Variants in SLCO1B3 observed in about 807,000 individuals in gnomAD.
The protein encoded by SLCO1B3 is solute carrier organic anion transporter family member 1B3, also known as liver-specific organic anion transporter 2.
SLCO1B3 carries 72 observed loss-of-function variants against 71.8 expected under a neutral mutation model. The observed-to-expected ratio is 1.00, with a 90% CI of 0.83 to 1.22. SLCO1B3 has a LOEUF of 1.22. Ranked by LOEUF, SLCO1B3 falls within the 50% of genes most tolerant of loss-of-function variation. SLCO1B3 has a pLI of 0.00. For synonymous variants in SLCO1B3, 298 were observed against 278.4 expected (o/e 1.07, Z -0.70); for missense variants, 911 against 819.7 (o/e 1.11, Z -1.36).
chr12:20,892,123 A>G (rs959775554), intron 13 of SLCO1B3, among the ~76,000 whole-genome samples: 5 of 152,066 alleles, frequency 3.3e-5, no homozygotes, highest in Non-Finnish European at 2.9e-5. Context: ...ACCTTTAACA[A>G]TCTATCTTCT....
At chr12:20,831,797 A>T (rs1427626212) in intron 3 of SLCO1B3, among the ~76,000 whole-genome samples, 1 of 152,208 alleles carries the variant, frequency 6.6e-6, no homozygotes, top group African/African-American at 2.4e-5. Flanking sequence ...AAATAGATCT[A>T]ATTCAGCAAC....
At chr12:20,836,095 G>A (rs1284484301) in intron 3 of SLCO1B3, among the ~76,000 whole-genome samples, 1 of 152,160 alleles carries the variant, frequency 6.6e-6, no homozygotes, top group Non-Finnish European at 1.5e-5. Context: ...ATCAGATCTT[G>A]TGAGACTTAT....
chr12:20,906,903 A>T (rs1591792511), intron 15 of SLCO1B3, among the ~76,000 whole-genome samples: 1 of 152,312 alleles, frequency 6.6e-6, no homozygotes, highest in Non-Finnish European at 1.5e-5. Context: ...ACTTCTAGGA[A>T]TTTATCCTAA....
chr12:20,841,927 C>T (rs1864812757), intron 3 of SLCO1B3, among the ~76,000 whole-genome samples: 1 of 150,206 alleles, frequency 6.7e-6, no homozygotes, highest in African/African-American at 2.4e-5. Context: ...CTCTTTCACC[C>T]AGGCTAGAGT....
intron 8 of SLCO1B3, among the ~76,000 whole-genome samples, chr12:20,866,905 A>G (rs1009467119): frequency 3.5e-4 from 54 of 152,148 alleles, no homozygotes; most frequent in Admixed American, 2.9e-3. Flanking sequence ...GGGAAATAGT[A>G]AAAAACAGTT....
In SLCO1B3 at chr12:20,835,374, C is replaced by CA. The variant is rs1177185872; in HGVS notation, c.84+19553dup. 5.9e-5 allele frequency among the ~76,000 whole-genome samples: 9 copies of CA among 152,294 alleles called. 1 individual carries two copies. The South Asian group carries it at 1.9e-3, about 32-fold the overall frequency. On this transcript the variant is annotated intron_variant, in intron 3 of 15. Coordinates refer to ENST00000381545, the MANE Select transcript of SLCO1B3 (RefSeq NM_019844.4). ...TCTGCTGCCTGCTTGAATATCCCCC[C>CA]AGAAAATGGGTTTTTCTTTCCTACT...
intron 3 of SLCO1B3, among the ~76,000 whole-genome samples, chr12:20,826,254 C>T (rs1864418729): frequency 6.6e-6 from 1 of 151,288 alleles, no homozygotes; most frequent in Non-Finnish European, 1.5e-5. Flanking sequence ...TGTCAGGCCA[C>T]AATAGCAGAA....
At position 20,815,717 on chromosome 12, in the gene SLCO1B3, A is replaced by G; in HGVS notation, c.-22A>G. 1 of 805,726 alleles carries G rather than the reference A, an allele frequency of 1.2e-6. No homozygotes were observed. The highest frequency in any genetic ancestry group is 1.6e-5 in the South Asian group (1 of 61,448). 49.9% of individuals were successfully genotyped at this position (805,726 alleles called of 1,614,324 possible). On this transcript the variant is annotated 5_prime_UTR_variant, in exon 3 of 16. Coordinates refer to ENST00000381545, the MANE Select transcript of SLCO1B3 (RefSeq NM_019844.4). ...GCATCAGCAACAATTAAAAATATTCACTTGGTATCTGTAGTTTAATAATGG... is the reference window on the plus strand; with the variant it reads ...GCATCAGCAACAATTAAAAATATTCGCTTGGTATCTGTAGTTTAATAATGG...
chr12:20,872,637 T>C (rs1287193808), intron 8 of SLCO1B3, among the ~76,000 whole-genome samples: 2 of 152,134 alleles, frequency 1.3e-5, no homozygotes, highest in African/African-American at 4.8e-5. Context: ...CTGAGGGCTC[T>C]TTAGTCAACT....
At chr12:20,899,435 C>G (rs1866082797) in intron 14 of SLCO1B3, among the ~76,000 whole-genome samples, 1 of 151,854 alleles carries the variant, frequency 6.6e-6, no homozygotes, top group Admixed American at 6.6e-5. Flanking sequence ...GGGACCCTTG[C>G]AAGGAAAGGA....
chr12:20,911,207 A>G (rs1217013153), intron 15 of SLCO1B3, among the ~76,000 whole-genome samples: 3 of 152,132 alleles, frequency 2.0e-5, no homozygotes, highest in Non-Finnish European at 4.4e-5. Flanking sequence ...TGATGTGATC[A>G]TGTGATTTTT....
At chr12:20,848,857 C>T (rs911353254) in intron 3 of SLCO1B3, among the ~76,000 whole-genome samples, 3 of 152,018 alleles carry the variant, frequency 2.0e-5, no homozygotes, top group Non-Finnish European at 2.9e-5. Context: ...AGAAACAGTG[C>T]AGAGGATTTT....
chr12:20,851,046 A>G (rs1654795589), intron 3 of SLCO1B3, among the ~76,000 whole-genome samples: 1 of 152,248 alleles, frequency 6.6e-6, no homozygotes, highest in African/African-American at 2.4e-5. Flanking sequence ...TTGCATTATC[A>G]TATTTTATTT....
intron 14 of SLCO1B3, among the ~76,000 whole-genome samples, chr12:20,900,310 T>C (rs1866101776): frequency 6.6e-6 from 1 of 152,136 alleles, no homozygotes; most frequent in South Asian, 2.1e-4. Flanking sequence ...CATTCATGTA[T>C]AAATCACTGT....
intron 3 of SLCO1B3, among the ~76,000 whole-genome samples, chr12:20,840,279 T>C (rs1025833921): frequency 6.6e-6 from 1 of 152,188 alleles, no homozygotes; most frequent in African/African-American, 2.4e-5. Flanking sequence ...CCTTCAATAA[T>C]GTGTTGGTAA....
intron 13 of SLCO1B3, among the ~76,000 whole-genome samples, chr12:20,884,591 T>C (rs1308507307): frequency 6.6e-6 from 1 of 152,050 alleles, no homozygotes; most frequent in Non-Finnish European, 1.5e-5. Context: ...AAGCAGATAA[T>C]GTGTGCCCTA....
intron 15 of SLCO1B3, among the ~76,000 whole-genome samples, chr12:20,902,763 A>T (rs1242785629): frequency 1.3e-5 from 2 of 152,092 alleles, no homozygotes; most frequent in South Asian, 2.1e-4. Context: ...GTATATAAGG[A>T]TCTCTTAAAA....
At chr12:20,856,409 T>C (rs1191388211) in intron 4 of SLCO1B3, among the ~76,000 whole-genome samples, 1 of 152,104 alleles carries the variant, frequency 6.6e-6, no homozygotes, top group Non-Finnish European at 1.5e-5. Flanking sequence ...AATGGCCATA[T>C]ATTAATAAAA....
At chr12:20,854,529 G>A (rs745659286) in intron 3 of SLCO1B3, among the ~76,000 whole-genome samples, 2 of 151,934 alleles carry the variant, frequency 1.3e-5, no homozygotes, top group Non-Finnish European at 2.9e-5. Flanking sequence ...CTCTCTTTAG[G>A]TTCCTGTTTG....
Sources: gnomAD v4.1 joint callset for allele counts (sites outside exome capture counted in the v4.1 genomes callset) on GRCh38, gnomAD v4.1.1 for gene constraint, MANE v1.5 for transcripts, NCBI Gene and HGNC (gene_info 2026-07-23, HGNC 2026-07-21) for gene names.